C16orf74: variants seen among roughly 807,000 people sequenced by gnomAD.
C16orf74 encodes the protein uncharacterized protein C16orf74.
C16orf74 carries 10 observed loss-of-function variants against 6.5 expected under a neutral mutation model. The ratio of observed to expected loss-of-function variants is 1.54; its 90% confidence interval spans 0.95 to 2.61. The LOEUF (loss-of-function observed/expected upper bound fraction) is 2.61. Ranked by LOEUF, C16orf74 falls within the 30% of genes most tolerant of loss-of-function variation. C16orf74 has a pLI of 0.00. For missense variants in C16orf74, 141 were observed against 105.9 expected, an observed-to-expected ratio of 1.33 and a Z score of -1.45; for synonymous variants, 60 against 42.5, an observed-to-expected ratio of 1.41 and a Z score of -1.60.
At chr16:85,725,194 C>A (rs2054121387) in intron 2 of C16orf74, among the ~76,000 whole-genome samples, 1 of 152,222 alleles carries the variant, frequency 6.6e-6, no homozygotes. Context: ...ATCCACCCCA[C>A]TGCCCTGAGC....
At chr16:85,735,864 T>A (rs1032152369) in intron 1 of C16orf74, among the ~76,000 whole-genome samples, 2 of 152,088 alleles carry the variant, frequency 1.3e-5, no homozygotes, top group Admixed American at 1.3e-4. Flanking sequence ...CAGCCAGTGG[T>A]GCGGGGCCCC....
At chr16:85,725,575 C>A (rs2054124840) in intron 2 of C16orf74, among the ~76,000 whole-genome samples, 1 of 152,142 alleles carries the variant, frequency 6.6e-6, no homozygotes, top group South Asian at 2.1e-4. Flanking sequence ...TAGAATGATT[C>A]CAGTGCTTTG....
chr16:85,735,498 G>C (rs767501396), intron 1 of C16orf74, among the ~76,000 whole-genome samples: 8 of 152,140 alleles, frequency 5.3e-5, no homozygotes, highest in Non-Finnish European at 1.0e-4. Context: ...TGCAGCCCTG[G>C]CTCTGTGAGG....
rs191433876 is a variant in C16orf74, at chr16:85,724,153, A to G, written c.28+11037T>C. 1.8e-3 allele frequency among the ~76,000 whole-genome samples: 273 copies of G among 152,172 alleles called. 1 individual carries two copies. Among genetic ancestry groups the G allele is most frequent in the African/African-American group, 6.2e-3 (258 of 41,528 alleles). On this transcript the variant is annotated intron_variant, in intron 2 of 3. Coordinates refer to ENST00000284245, the MANE Select transcript of C16orf74 (RefSeq NM_206967.3). ...GCAATCCTCCTGCCTTGGCCTCCCA[A>G]AGTGCTGGGATTACAAGTGTGTGCC...
chr16:85,742,060 G>C (rs2054314639), intron 1 of C16orf74, among the ~76,000 whole-genome samples: 1 of 152,138 alleles, frequency 6.6e-6, no homozygotes, highest in Admixed American at 6.5e-5. Context: ...ATTGGTTCCT[G>C]CAAGAGCTGG....
chr16:85,727,265 C>T lies in C16orf74; in HGVS notation c.28+7925G>A, dbSNP rs555556429. Among the ~76,000 whole-genome samples, 10 of 152,322 alleles carry T rather than the reference C, an allele frequency of 6.6e-5. No homozygotes were observed. In the South Asian group the frequency reaches 1.7e-3, roughly 25 times the overall value. The stretch of plus-strand genomic sequence containing the variant: ...GGTTTTGGGTTGACCAGGGGCTAGA[C>T]GCAAGCCTCTGAAGGCAAATCAGAA... On this transcript the variant is annotated intron_variant, in intron 2 of 3. Coordinates refer to ENST00000284245, the MANE Select transcript of C16orf74 (RefSeq NM_206967.3).
At chr16:85,720,998 C>G (rs918162345) in intron 2 of C16orf74, among the ~76,000 whole-genome samples, 24 of 151,800 alleles carry the variant, frequency 1.6e-4, no homozygotes, top group Admixed American at 1.6e-3. Flanking sequence ...GGCTGAGGCA[C>G]GAGAATCACT....
intron 2 of C16orf74, among the ~76,000 whole-genome samples, chr16:85,725,998 C>T (rs1236241028): frequency 1.3e-5 from 2 of 152,184 alleles, no homozygotes; most frequent in African/African-American, 4.8e-5. Context: ...CCTGCCTCCT[C>T]GCTGCTCACC....
chr16:85,743,697 T>C (rs2054336164), intron 1 of C16orf74: 1 of 152,050 alleles, frequency 6.6e-6, no homozygotes, highest in African/African-American at 2.4e-5. Flanking sequence ...GGCGAGCAGA[T>C]CACCTGAGGT....
At chr16:85,725,125 G>A (rs971469567) in intron 2 of C16orf74, among the ~76,000 whole-genome samples, 6 of 152,206 alleles carry the variant, frequency 3.9e-5, no homozygotes, top group African/African-American at 1.4e-4. Context: ...TCTGCCCTGG[G>A]CAGGGGGCGG....
intron 2 of C16orf74, among the ~76,000 whole-genome samples, chr16:85,722,387 G>A (rs1598789608): frequency 2.0e-5 from 3 of 152,214 alleles, no homozygotes; most frequent in African/African-American, 7.2e-5. Context: ...GTATCCCAGG[G>A]GAACATGGGC....
intron 1 of C16orf74, among the ~76,000 whole-genome samples, chr16:85,745,276 G>A (rs1273141222): frequency 2.0e-5 from 3 of 152,014 alleles, no homozygotes. Context: ...CCTGAGGGGT[G>A]GCAAGACAGA....
chr16:85,722,738 G>A (rs558013488), intron 2 of C16orf74, among the ~76,000 whole-genome samples: 3 of 151,968 alleles, frequency 2.0e-5, no homozygotes, highest in Non-Finnish European at 4.4e-5. Flanking sequence ...CACTGCTGAC[G>A]GGAAAGCCCC....
At chr16:85,740,146 G>A (rs1425084871) in intron 1 of C16orf74, among the ~76,000 whole-genome samples, 1 of 146,652 alleles carries the variant, frequency 6.8e-6, no homozygotes, top group Non-Finnish European at 1.5e-5. Context: ...GGAGGCAGAG[G>A]TTGTAGGGAG....
At chr16:85,709,025 A>G (rs400694) in intron 3 of C16orf74, among the ~76,000 whole-genome samples, 106,785 of 152,200 alleles carry the variant, frequency 0.7, 37,777 homozygotes, top group East Asian at 0.87. Context: ...TGACTAGCAC[A>G]TGGCAAGTGT....
chr16:85,714,901 A>C (rs559832307), intron 2 of C16orf74, among the ~76,000 whole-genome samples: 145 of 151,760 alleles, frequency 9.6e-4, no homozygotes, highest in Non-Finnish European at 1.7e-3. Flanking sequence ...TCACGCCTGT[A>C]ATCCCAGCAC....
chr16:85,750,711 G>A (rs2054428140), intron 1 of C16orf74, among the ~76,000 whole-genome samples: 1 of 152,154 alleles, frequency 6.6e-6, no homozygotes. Context: ...GCCAGAGCCG[G>A]GCCAAGTTTC....
intron 2 of C16orf74, among the ~76,000 whole-genome samples, chr16:85,718,617 G>C (rs1270066833): frequency 6.6e-6 from 1 of 152,166 alleles, no homozygotes; most frequent in Non-Finnish European, 1.5e-5. Flanking sequence ...GGTCCGGGTG[G>C]GCAGGCATGA....
Position 85,709,569 on chromosome 16 carries a change from A to G in C16orf74, c.172+595T>C, listed in dbSNP as rs541493228. ...TCAGCACCCGGCATAGGCCCAGCTCAGTAAATCTCTGCTCAATGAATACAT... is the reference window on the plus strand; with the variant it reads ...TCAGCACCCGGCATAGGCCCAGCTCGGTAAATCTCTGCTCAATGAATACAT... On this transcript the variant is annotated intron_variant, in intron 3 of 3. Coordinates refer to ENST00000284245, the MANE Select transcript of C16orf74 (RefSeq NM_206967.3). Among the ~76,000 whole-genome samples, 102 of 152,126 alleles carry G rather than the reference A, an allele frequency of 6.7e-4. No individual in the cohort carries two copies. In the South Asian group the frequency reaches 0.018, roughly 28 times the overall value.
Sources: gnomAD v4.1 joint callset for allele counts (sites outside exome capture counted in the v4.1 genomes callset) on GRCh38, gnomAD v4.1.1 for gene constraint, MANE v1.5 for transcripts, NCBI Gene and HGNC (gene_info 2026-07-23, HGNC 2026-07-21) for gene names.